Variants in TAF1 observed in about 807,000 individuals in gnomAD.
The protein encoded by TAF1 is TATA-box binding protein associated factor 1.
A neutral mutation model predicts 138.5 loss-of-function variants in TAF1; 2 were observed. The observed-to-expected ratio is 0.01, with a 90% CI of 0.01 to 0.05. The LOEUF (loss-of-function observed/expected upper bound fraction) is 0.05, where lower values mean the gene tolerates loss of function less well. TAF1 is among the 10% of genes least tolerant of loss of function. The probability of loss-of-function intolerance (pLI) is 1.00; values close to 1 mark genes in which losing one functional copy is unlikely to be tolerated. For missense variants in TAF1, 709 were observed against 1,478.0 expected (o/e 0.48, Z 8.53); for synonymous variants, 437 against 503.2 (o/e 0.87, Z 1.76).
chrX:71,429,900 CAT>C (rs1207738663), intron 32 of TAF1, among the ~76,000 whole-genome samples: 4 of 111,065 alleles, frequency 3.6e-5, no homozygotes, highest in African/African-American at 1.3e-4. Context: ...TTGGTGGAAA[CAT>C]AAATTAGTAC....
At chrX:71,436,832 C>G (rs1481380202) in intron 32 of TAF1, among the ~76,000 whole-genome samples, 1 of 111,766 alleles carries the variant, frequency 8.9e-6, no homozygotes, top group East Asian at 2.8e-4. Flanking sequence ...TAAATAAACT[C>G]TAAGGTCATT....
intron 28 of TAF1, among the ~76,000 whole-genome samples, chrX:71,412,545 A>G (rs2035851783): frequency 8.9e-6 from 1 of 112,069 alleles, no homozygotes; most frequent in East Asian, 2.8e-4. Context: ...GCATCTGTGA[A>G]CATTTTGTGA....
At chrX:71,523,884 A>G (rs2039947415) in intron 13 of TAF1, among the ~76,000 whole-genome samples, 1 of 111,791 alleles carries the variant, frequency 8.9e-6, no homozygotes, top group Non-Finnish European at 1.9e-5. Context: ...AATACCTGCC[A>G]TCCTAATATA....
intron 32 of TAF1, among the ~76,000 whole-genome samples, chrX:71,425,757 A>G (rs2036560321): frequency 2.7e-5 from 3 of 112,098 alleles, no homozygotes; most frequent in African/African-American, 9.7e-5. Flanking sequence ...GGAAGGCTTC[A>G]TAAACGAGCT....
intron 2 of TAF1, 91 bp downstream of exon 2, chrX:71,367,704 T>C (rs2032660146): frequency 9.6e-6 from 10 of 1,036,870 alleles, no homozygotes; most frequent in Non-Finnish European, 1.3e-5. Flanking sequence ...GGAGTTTCGC[T>C]CTGTCTCCGA....
intron 2 of TAF1, 41 bp from the exon 3 acceptor site, chrX:71,368,013 G>A (rs1267614661): frequency 8.7e-7 from 1 of 1,148,582 alleles, no homozygotes; most frequent in African/African-American, 1.8e-5. Context: ...GGGAGTGAGG[G>A]TCGCTTACTG....
chrX:71,373,648 T>C (rs2033257404), intron 3 of TAF1, among the ~76,000 whole-genome samples: 1 of 111,697 alleles, frequency 9.0e-6, no homozygotes, highest in Admixed American at 9.6e-5. Context: ...GTTAAATATC[T>C]GAGTAGAAAG....
chrX:71,449,606 A>G (rs1378326255), intron 32 of TAF1, among the ~76,000 whole-genome samples: 4 of 112,396 alleles, frequency 3.6e-5, no homozygotes, highest in Admixed American at 9.4e-5. Context: ...TTTCGAAACT[A>G]AAGTAGAATA....
chrX:71,394,001 T>C, intron 21 of TAF1, 66 bp from the exon 22 acceptor site: 1 of 1,078,659 alleles, frequency 9.3e-7, no homozygotes, highest in Non-Finnish European at 1.2e-6. Flanking sequence ...GATTTCCCAA[T>C]TTTTTACTTT....
rs141361785 is a variant in TAF1 at position 71,368,572 on chromosome X, C to T, written c.352+402C>T. 6.6e-3 allele frequency: 778 copies of T among 117,155 alleles called. 10 individuals are homozygous for T. The highest frequency in any genetic ancestry group is 0.024 in the African/African-American group (736 of 30,702). 9.7% of individuals were successfully genotyped at this position (117,155 alleles called of 1,213,427 possible). On this transcript the variant is annotated intron_variant, in intron 3 of 37. Transcript: ENST00000423759. ...GTCATACATAAGCAATGAACTAAGG[C>T]AGGACGTGGTGGCTCACCAGATTAC...
At chrX:71,406,093 C>T (rs1038148791) in intron 25 of TAF1, among the ~76,000 whole-genome samples, 12 of 110,238 alleles carry the variant, frequency 1.1e-4, no homozygotes, top group Admixed American at 1.9e-4. Context: ...CTTTGGGATG[C>T]CAAGGTGGGT....
At chrX:71,401,971 C>G (rs2035195708) in intron 25 of TAF1, among the ~76,000 whole-genome samples, 1 of 111,738 alleles carries the variant, frequency 8.9e-6, no homozygotes, top group Non-Finnish European at 1.9e-5. Context: ...TCCTTAGTTA[C>G]AAAATAAAAC....
intron 35 of TAF1, chrX:71,459,281 A>C: frequency 1.8e-6 from 2 of 1,131,089 alleles, no homozygotes; most frequent in South Asian, 3.7e-5. Context: ...GCTTATGGTT[A>C]CGTTATGCCC....
intron 13 of TAF1, among the ~76,000 whole-genome samples, chrX:71,527,268 C>T (rs1569419314): frequency 2.8e-5 from 3 of 108,366 alleles, no homozygotes; most frequent in Non-Finnish European, 5.7e-5. Context: ...TGCCTGTAAT[C>T]CCAGCTACTC....
At chrX:71,474,380 C>G (rs764179436) in intron 13 of TAF1, among the ~76,000 whole-genome samples, 7 of 111,419 alleles carry the variant, frequency 6.3e-5, no homozygotes, top group Non-Finnish European at 1.3e-4. Flanking sequence ...GAAAAAGCAC[C>G]TGTTATAAGA....
At chrX:71,380,085 C>G (rs746333216) in intron 8 of TAF1, among the ~76,000 whole-genome samples, 6 of 111,020 alleles carry the variant, frequency 5.4e-5, no homozygotes, top group African/African-American at 2.0e-4. Context: ...CACTGGTAAT[C>G]TATCTGGAGA....
At chrX:71,400,165 C>T (rs992519378) in intron 24 of TAF1, among the ~76,000 whole-genome samples, 1 of 110,423 alleles carries the variant, frequency 9.1e-6, no homozygotes, top group South Asian at 3.8e-4. Flanking sequence ...TCTCCACTTA[C>T]TGCAACCTCC....
In TAF1 at chrX:71,452,623, G is replaced by A. The variant is rs960281328; in HGVS notation, c.4754-1547G>A. On this transcript the variant is annotated intron_variant, in intron 32 of 37. Transcript: ENST00000423759. The stretch of plus-strand genomic sequence containing the variant: ...CTCCTCAGATCCCAGACGATGGGCG[G>A]CCAGGCAGAGATGCTCCTCACTTCC... 1.8e-4 allele frequency among the ~76,000 whole-genome samples: 20 copies of A among 111,416 alleles called. No homozygotes were observed. The Admixed American group carries it at 1.9e-3, about 11-fold the overall frequency.
chrX:71,501,171 C>T (rs1438483715), intron 13 of TAF1, among the ~76,000 whole-genome samples: 6 of 110,709 alleles, frequency 5.4e-5, no homozygotes, highest in Non-Finnish European at 9.5e-5. Flanking sequence ...TTTGTCCTCA[C>T]TTCTCATCAT....
Sources: gnomAD v4.1 joint callset for allele counts (sites outside exome capture counted in the v4.1 genomes callset) on GRCh38, gnomAD v4.1.1 for gene constraint, MANE v1.5 for transcripts, NCBI Gene and HGNC (gene_info 2026-07-23, HGNC 2026-07-21) for gene names.